Variants in CUX1 observed in about 807,000 individuals in gnomAD.
The protein encoded by CUX1 is protein CASP.
CUX1 carries 31 observed loss-of-function variants against 158.8 expected under a neutral mutation model. The observed-to-expected ratio is 0.20, with a 90% CI of 0.15 to 0.26. The LOEUF (loss-of-function observed/expected upper bound fraction) is 0.26. CUX1 is among the 10% of genes least tolerant of loss of function. The pLI, the probability that CUX1 is intolerant of heterozygous loss-of-function variation, is 1.00. For missense variants in CUX1, 1,589 were observed against 2,014.6 expected, an observed-to-expected ratio of 0.79 and a Z score of 4.04; for synonymous variants, 879 against 862.1, an observed-to-expected ratio of 1.02 and a Z score of -0.34.
chr7:102,250,444 G>C lies in CUX1; in HGVS notation c.*1402G>C. The C allele has an allele frequency of 1.0e-6, 1 of 985,478 alleles. No individual in the cohort carries two copies. Among genetic ancestry groups the C allele is most frequent in the Non-Finnish European group, 1.2e-6 (1 of 829,972 alleles). 61.0% of individuals were successfully genotyped at this position (985,478 alleles called of 1,614,324 possible). A position where few individuals can be genotyped will look rare whatever the true frequency, so the allele number is the denominator to read the frequency against. On this transcript the variant is annotated 3_prime_UTR_variant, in exon 24 of 24. Coordinates refer to ENST00000292535, the MANE Select transcript of CUX1 (RefSeq NM_181552.4). ...AAGACACTCCCCAGGCCTGGGCAGG[G>C]CTTACACGCGCACTCTCTCTCTTCT...
chr7:101,952,789 G>C (rs1434294954), intron 2 of CUX1, among the ~76,000 whole-genome samples: 1 of 152,238 alleles, frequency 6.6e-6, no homozygotes, highest in African/African-American at 2.4e-5. Context: ...TGTGTTGGGA[G>C]GTCCCCACCC....
At chr7:101,972,042 C>G (rs552507426) in intron 2 of CUX1, among the ~76,000 whole-genome samples, 22 of 152,346 alleles carry the variant, frequency 1.4e-4, no homozygotes, top group African/African-American at 5.3e-4. Context: ...TCTTGGCTCA[C>G]TGCAAGCTCC....
At chr7:102,128,794 A>T (rs1832916259) in intron 8 of CUX1, among the ~76,000 whole-genome samples, 1 of 151,912 alleles carries the variant, frequency 6.6e-6, no homozygotes, top group Non-Finnish European at 1.5e-5. Context: ...ACTGGCCAAC[A>T]TGAGGAAACC....
At chr7:101,984,736 C>G (rs879755577) in intron 2 of CUX1, among the ~76,000 whole-genome samples, 1 of 151,970 alleles carries the variant, frequency 6.6e-6, no homozygotes, top group African/African-American at 2.4e-5. Flanking sequence ...AAAACTCAGT[C>G]GTAAAAAACA....
At chr7:101,862,366 G>A (rs983338246) in intron 1 of CUX1, among the ~76,000 whole-genome samples, 1 of 152,042 alleles carries the variant, frequency 6.6e-6, no homozygotes, top group Non-Finnish European at 1.5e-5. Flanking sequence ...GTGTGTTGTC[G>A]TAGGCGGGAC....
At chr7:102,168,643 C>CAAAAAAA (rs1167424159) in intron 9 of CUX1, among the ~76,000 whole-genome samples, 2 of 75,632 alleles carry the variant, frequency 2.6e-5, no homozygotes, top group African/African-American at 1.0e-4. Context: ...GGCTCTGTCT[C>CAAAAAAA]AAAAAAAAAA....
At chr7:102,133,549 C>G (rs1294406901) in intron 8 of CUX1, among the ~76,000 whole-genome samples, 1 of 132,570 alleles carries the variant, frequency 7.5e-6, no homozygotes, top group Non-Finnish European at 1.5e-5. Flanking sequence ...AATTGTGGCT[C>G]TCTGCAACCT....
chr7:102,204,029 GCCA>G (rs1345364142), intron 18 of CUX1, among the ~76,000 whole-genome samples: 2 of 152,200 alleles, frequency 1.3e-5, no homozygotes, highest in African/African-American at 4.8e-5. Flanking sequence ...CTTTCCCGGT[GCCA>G]CCAAGTGAAG....
intron 8 of CUX1, among the ~76,000 whole-genome samples, chr7:102,139,473 C>T (rs73408094): frequency 0.082 from 12,501 of 152,126 alleles, 682 homozygotes; most frequent in African/African-American, 0.14. Context: ...ATTATTACCA[C>T]CTGAAACAGC....
chr7:102,078,571 C>G (rs1296776890), intron 4 of CUX1, among the ~76,000 whole-genome samples: 2 of 152,176 alleles, frequency 1.3e-5, no homozygotes. Context: ...ACAAACCCTT[C>G]AAATATAAAG....
intron 8 of CUX1, among the ~76,000 whole-genome samples, chr7:102,148,882 T>C (rs544820734): frequency 6.6e-6 from 1 of 151,936 alleles, no homozygotes; most frequent in South Asian, 2.1e-4. Context: ...TCCTTTGCAT[T>C]TTCATCGCTT....
chr7:102,041,133 A>G (rs1213352020), intron 3 of CUX1, among the ~76,000 whole-genome samples: 2 of 146,266 alleles, frequency 1.4e-5, no homozygotes, highest in Non-Finnish European at 3.0e-5. Context: ...CTAAAAATAC[A>G]AAAAAAAAAC....
chr7:101,816,604 G>T (rs1791831652), upstream of CUX1, among the ~76,000 whole-genome samples: 1 of 143,320 alleles, frequency 7.0e-6, no homozygotes, highest in African/African-American at 2.5e-5. Flanking sequence ...CCCCCGGCCC[G>T]CCGTATTCCC....
chr7:102,070,446 TG>T, intron 4 of CUX1, 29 bp downstream of exon 4: 2 of 1,562,118 alleles, frequency 1.3e-6, no homozygotes, highest in African/African-American at 1.4e-5. Flanking sequence ...GGCCCACCAG[TG>T]GGGGGCGTTG....
chr7:102,239,594 C>G lies in CUX1; in HGVS notation c.3887+10C>G, dbSNP rs1554534158. On this transcript the variant is annotated intron_variant, in intron 23 of 23. Coordinates refer to ENST00000292535, the MANE Select transcript of CUX1 (RefSeq NM_181552.4). Reference sequence around the variant, plus strand: ...GGTTCCACAACTACAGGTACGACGGCTGGCTCACAGGGAGCGCCGGTCGGC... The same window carrying G: ...GGTTCCACAACTACAGGTACGACGGGTGGCTCACAGGGAGCGCCGGTCGGC... 5 of 1,607,606 alleles carry G rather than the reference C, an allele frequency of 3.1e-6. No individual in the cohort carries two copies. In the South Asian group the frequency reaches 5.5e-5, roughly 18 times the overall value.
intron 4 of CUX1, among the ~76,000 whole-genome samples, chr7:102,086,892 C>A (rs1359361963): frequency 6.6e-6 from 1 of 151,944 alleles, no homozygotes; most frequent in African/African-American, 2.4e-5. Flanking sequence ...TATACAATGA[C>A]CTTCATTATT....
intron 1 of CUX1, among the ~76,000 whole-genome samples, chr7:101,855,901 T>C (rs1392981834): frequency 7.2e-6 from 1 of 138,490 alleles, no homozygotes; most frequent in Non-Finnish European, 1.5e-5. Flanking sequence ...AAAATGCAGC[T>C]TAAGTGCTGG....
intron 20 of CUX1, among the ~76,000 whole-genome samples, chr7:102,219,643 C>G (rs1423810236): frequency 6.6e-6 from 1 of 152,168 alleles, no homozygotes; most frequent in Non-Finnish European, 1.5e-5. Context: ...CTGGGTACGT[C>G]TCTGATATTC....
chr7:102,104,121 C>G (rs1830084636), intron 5 of CUX1, among the ~76,000 whole-genome samples: 1 of 151,904 alleles, frequency 6.6e-6, no homozygotes, highest in African/African-American at 2.4e-5. Context: ...CAGCAAAATC[C>G]ATTGATCCTC....
Sources: gnomAD v4.1 joint callset for allele counts (sites outside exome capture counted in the v4.1 genomes callset) on GRCh38, gnomAD v4.1.1 for gene constraint, MANE v1.5 for transcripts, NCBI Gene and HGNC (gene_info 2026-07-23, HGNC 2026-07-21) for gene names.